The following DAB1 variants were observed in gnomAD, a reference collection of about 807,000 sequenced individuals.
DAB1 encodes the protein DAB adaptor protein 1, also known as disabled homolog 1.
A neutral mutation model predicts 64.6 loss-of-function variants in DAB1; 15 were observed. The observed-to-expected ratio is 0.23, with a 90% confidence interval of 0.16 to 0.36. The LOEUF (loss-of-function observed/expected upper bound fraction) is 0.36, where lower values mean the gene tolerates loss of function less well. Among genes scored for constraint, DAB1 ranks in the 10% least tolerant of loss-of-function variants. DAB1 has a pLI of 1.00. For synonymous variants in DAB1, 235 were observed against 251.9 expected (o/e 0.93, Z 0.64); for missense variants, 596 against 706.7 (o/e 0.84, Z 1.78).
chr1:57,033,435 T>G, intron 9 of DAB1: 1 of 1,612,950 alleles, frequency 6.2e-7, no homozygotes, highest in Non-Finnish European at 8.5e-7. Context: ...GTTTCTGTTC[T>G]GTAACCACAA....
intron 4 of DAB1, among the ~76,000 whole-genome samples, chr1:57,134,764 C>T (rs912578391): frequency 2.6e-5 from 4 of 152,106 alleles, no homozygotes; most frequent in Admixed American, 2.6e-4. Flanking sequence ...GACTCAGGAG[C>T]CAGACCGCCT....
chr1:58,373,294 G>A (rs541775938), intron 3 of DAB1, among the ~76,000 whole-genome samples: 5 of 140,594 alleles, frequency 3.6e-5, no homozygotes, highest in African/African-American at 5.0e-5. Flanking sequence ...CTAGCATTAG[G>A]TATATCTCCC....
intron 6 of DAB1, among the ~76,000 whole-genome samples, chr1:57,683,012 CT>C (rs1646654452): frequency 6.6e-6 from 1 of 152,182 alleles, no homozygotes; most frequent in Non-Finnish European, 1.5e-5. Context: ...TCTTGGTGAT[CT>C]GGCAGTAGTT....
intron 3 of DAB1, among the ~76,000 whole-genome samples, chr1:58,393,499 A>T (rs927928963): frequency 6.6e-6 from 1 of 152,228 alleles, no homozygotes; most frequent in Non-Finnish European, 1.5e-5. Context: ...CATATTAAAA[A>T]ACTGAGGCTC....
chr1:57,027,862 C>T (rs1433911562), intron 9 of DAB1, among the ~76,000 whole-genome samples: 2 of 152,160 alleles, frequency 1.3e-5, no homozygotes. Context: ...TTCTTTCCAG[C>T]TGCACAATAA....
chr1:57,436,259 G>C (rs1206038423), intron 7 of DAB1, among the ~76,000 whole-genome samples: 1 of 152,128 alleles, frequency 6.6e-6, no homozygotes, highest in Non-Finnish European at 1.5e-5. Context: ...CAGTAAGTTT[G>C]TTTACACCAG....
intron 2 of DAB1, among the ~76,000 whole-genome samples, chr1:57,192,430 C>G (rs914560067): frequency 2.0e-5 from 3 of 151,950 alleles, no homozygotes; most frequent in African/African-American, 7.3e-5. Context: ...GTAAATGACT[C>G]AACCTTCCTA....
At chr1:57,155,999 T>C (rs1383654204) in intron 2 of DAB1, among the ~76,000 whole-genome samples, 4 of 152,154 alleles carry the variant, frequency 2.6e-5, no homozygotes, top group African/African-American at 9.7e-5. Flanking sequence ...CCAATTTGGA[T>C]GCCCTAAGAA....
At chr1:58,307,513 G>C (rs1326515379) in intron 4 of DAB1, among the ~76,000 whole-genome samples, 3 of 152,170 alleles carry the variant, frequency 2.0e-5, no homozygotes, top group Non-Finnish European at 4.4e-5. Flanking sequence ...TCTTGGAGGA[G>C]ATTCATTCTT....
chr1:57,632,857 C>T (rs2101630372), intron 7 of DAB1, among the ~76,000 whole-genome samples: 1 of 152,154 alleles, frequency 6.6e-6, no homozygotes. Context: ...AGTTGTAGTA[C>T]TATGTGTTTT....
At chr1:58,410,331 C>T (rs1644656490) in intron 3 of DAB1, among the ~76,000 whole-genome samples, 2 of 152,120 alleles carry the variant, frequency 1.3e-5, no homozygotes, top group African/African-American at 2.4e-5. Flanking sequence ...TGTTAAGGTC[C>T]TAAGACAGAA....
Position 57,276,743 on chromosome 1 carries a change from T to C in DAB1, c.67+14221A>G, listed in dbSNP as rs114058962. Reference sequence around the variant, plus strand: ...AATAAATCTGAACCCCAAGAATGTTTATTTAAATCTCACAACCTCTGGGAA... The same window carrying C: ...AATAAATCTGAACCCCAAGAATGTTCATTTAAATCTCACAACCTCTGGGAA... On this transcript the variant is annotated intron_variant, in intron 2 of 14. Transcript: ENST00000371236. 3.2e-3 allele frequency among the ~76,000 whole-genome samples: 485 copies of C among 152,358 alleles called. 2 individuals are homozygous for C. The highest frequency in any genetic ancestry group is 0.011 in the African/African-American group (473 of 41,584).
At chr1:57,685,232 A>G (rs1421738998) in intron 6 of DAB1, among the ~76,000 whole-genome samples, 2 of 151,690 alleles carry the variant, frequency 1.3e-5, no homozygotes, top group Non-Finnish European at 2.9e-5. Context: ...GATTATAGGC[A>G]TGAGCCACCA....
intron 6 of DAB1, among the ~76,000 whole-genome samples, chr1:57,771,015 T>C (rs1045511868): frequency 6.6e-6 from 1 of 152,136 alleles, no homozygotes; most frequent in African/African-American, 2.4e-5. Context: ...ATTGTACAGA[T>C]GGCAAACCCT....
At chr1:57,695,299 G>A (rs7553249) in intron 6 of DAB1, among the ~76,000 whole-genome samples, 24,301 of 39,192 alleles carry the variant, frequency 0.62, 8,510 homozygotes, top group East Asian at 0.83. Context: ...GGAGAGAGAA[G>A]GAAAGAAAGA....
intron 9 of DAB1, chr1:57,033,509 G>C (rs1439196921): frequency 6.2e-7 from 1 of 1,612,712 alleles, no homozygotes; most frequent in African/African-American, 1.3e-5. Context: ...ACCAGAGAGG[G>C]CTGTAATTCT....
At chr1:57,775,789 G>A (rs1018155760) in intron 6 of DAB1, among the ~76,000 whole-genome samples, 3 of 151,466 alleles carry the variant, frequency 2.0e-5, no homozygotes, top group Non-Finnish European at 4.4e-5. Context: ...CAATTACTGA[G>A]AGAAGAAATG....
chr1:58,404,242 C>A (rs1398719280), intron 3 of DAB1, among the ~76,000 whole-genome samples: 1 of 152,198 alleles, frequency 6.6e-6, no homozygotes, highest in African/African-American at 2.4e-5. Context: ...GTCTAAGAGT[C>A]TAAGAGCCTC....
chr1:57,939,005 T>C (rs1015645244), intron 5 of DAB1, among the ~76,000 whole-genome samples: 1 of 152,146 alleles, frequency 6.6e-6, no homozygotes, highest in African/African-American at 2.4e-5. Context: ...GGTCAATATC[T>C]TAGTTTGGAC....
Sources: allele counts gnomAD v4.1 joint callset (sites outside exome capture counted in the v4.1 genomes callset), GRCh38; gene constraint gnomAD v4.1.1; transcripts MANE v1.5; gene names NCBI Gene and HGNC (gene_info 2026-07-23, HGNC 2026-07-21).